Variants in DPP6 observed in about 807,000 individuals in gnomAD.
The protein encoded by DPP6 is dipeptidyl peptidase like 6, also known as A-type potassium channel modulatory protein DPP6.
DPP6 carries 69 observed loss-of-function variants against 122.6 expected under a neutral mutation model. The observed-to-expected ratio is 0.56, with a 90% CI of 0.46 to 0.69. The LOEUF (loss-of-function observed/expected upper bound fraction) is 0.69, where lower values mean the gene tolerates loss of function less well. Among genes scored for constraint, DPP6 ranks in the 30% least tolerant of loss-of-function variants. The probability of loss-of-function intolerance (pLI) is 0.00; values close to 1 mark genes in which losing one functional copy is unlikely to be tolerated. For missense variants in DPP6, 928 were observed against 1,116.9 expected (o/e 0.83, Z 2.41); for synonymous variants, 418 against 433.1 (o/e 0.97, Z 0.43).
At chr7:154,788,165 C>T (rs1003680533) in intron 10 of DPP6, among the ~76,000 whole-genome samples, 4 of 151,978 alleles carry the variant, frequency 2.6e-5, no homozygotes, top group Non-Finnish European at 4.4e-5. Context: ...AAGATAAGGC[C>T]GGGCACAGTG....
intron 1 of DPP6, among the ~76,000 whole-genome samples, chr7:154,016,300 T>A (rs1024479961): frequency 6.6e-6 from 1 of 152,278 alleles, no homozygotes; most frequent in Non-Finnish European, 1.5e-5. Flanking sequence ...AGAAGGACAT[T>A]GTCTATTGTT....
intron 5 of DPP6, among the ~76,000 whole-genome samples, chr7:154,610,591 T>G (rs1833846570): frequency 6.6e-6 from 1 of 152,194 alleles, no homozygotes; most frequent in Admixed American, 6.5e-5. Flanking sequence ...ACGGCCAACA[T>G]TCTGTCTTTG....
intron 1 of DPP6, among the ~76,000 whole-genome samples, chr7:154,286,577 G>C (rs556367895): frequency 6.6e-6 from 1 of 152,162 alleles, no homozygotes; most frequent in Admixed American, 6.5e-5. Flanking sequence ...TTAATGCAAA[G>C]CTTTCCAAAT....
intron 1 of DPP6, among the ~76,000 whole-genome samples, chr7:154,247,920 G>T (rs776500098): frequency 6.6e-6 from 1 of 152,128 alleles, no homozygotes; most frequent in Admixed American, 6.5e-5. Flanking sequence ...GTGTTAGTCG[G>T]TTTGGGCTGC....
intron 1 of DPP6, among the ~76,000 whole-genome samples, chr7:154,442,710 A>G (rs908928044): frequency 1.3e-5 from 2 of 152,144 alleles, no homozygotes; most frequent in Non-Finnish European, 2.9e-5. Context: ...AGAGGGCTTT[A>G]CATGCAAAAG....
intron 2 of DPP6, among the ~76,000 whole-genome samples, chr7:154,450,065 A>T (rs1035859640): frequency 6.6e-6 from 1 of 151,856 alleles, no homozygotes; most frequent in African/African-American, 2.4e-5. Context: ...AATGTGATGT[A>T]ACCATACAAT....
At chr7:154,081,900 G>C (rs370733592) in intron 1 of DPP6, among the ~76,000 whole-genome samples, 90 of 152,270 alleles carry the variant, frequency 5.9e-4, no homozygotes, top group African/African-American at 1.9e-3. Context: ...GAAAATGGAT[G>C]TTTACTTTAA....
the DPP6 span, among the ~76,000 whole-genome samples, chr7:153,769,274 G>A: frequency 6.6e-6 from 1 of 152,006 alleles, no homozygotes; most frequent in African/African-American, 2.4e-5. Context: ...TTTATATTGT[G>A]TATATTTAAG....
chr7:153,886,488 T>A (rs1401978155), upstream of DPP6, among the ~76,000 whole-genome samples: 1 of 151,960 alleles, frequency 6.6e-6, no homozygotes, highest in Non-Finnish European at 1.5e-5. Context: ...CGGGGTCAGA[T>A]CCCGCAGGCA....
chr7:154,656,867 T>G (rs140441044), intron 6 of DPP6, among the ~76,000 whole-genome samples: 7 of 26,864 alleles, frequency 2.6e-4, no homozygotes, highest in African/African-American at 3.0e-4. Context: ...AGGTGCCCAG[T>G]GATGGGTGGA....
chr7:154,164,331 A>G (rs1166870926), intron 1 of DPP6, among the ~76,000 whole-genome samples: 1 of 149,564 alleles, frequency 6.7e-6, no homozygotes, highest in Non-Finnish European at 1.5e-5. Context: ...CATTTCCATG[A>G]TTTTTCAAAC....
Position 154,599,559 on chromosome 7 carries a change from G to A in DPP6, c.627+32643G>A, listed in dbSNP as rs555648321. On this transcript the variant is annotated intron_variant, in intron 5 of 25. Coordinates refer to ENST00000377770, the MANE Select transcript of DPP6 (RefSeq NM_130797.4). ...AAGTTCTAGGGTACATGTGCACAAC[G>A]TGCAGGTTTGTTACATATGTATACA... Among the ~76,000 whole-genome samples the A allele has an allele frequency of 7.9e-5, 12 of 151,126 alleles. No homozygotes were observed. The South Asian group carries it at 1.9e-3, about 24-fold the overall frequency.
At chr7:154,285,970 G>T (rs1804820755) in intron 1 of DPP6, among the ~76,000 whole-genome samples, 1 of 152,162 alleles carries the variant, frequency 6.6e-6, no homozygotes. Context: ...ACACTCTCAA[G>T]AACCATTTGT....
intron 1 of DPP6, among the ~76,000 whole-genome samples, chr7:153,955,699 A>G (rs1195325973): frequency 1.3e-5 from 2 of 152,116 alleles, no homozygotes; most frequent in African/African-American, 4.8e-5. Context: ...TCGGCCTCCA[A>G]AAGTGCTGGG....
At chr7:154,074,632 AAAAG>A (rs1357887255) in intron 1 of DPP6, among the ~76,000 whole-genome samples, 1 of 152,222 alleles carries the variant, frequency 6.6e-6, no homozygotes, top group African/African-American at 2.4e-5. Context: ...AGAAAATAGA[AAAAG>A]AAAGGTTAAA....
intron 1 of DPP6, chr7:154,058,385 A>AC (rs1473759909): frequency 7.2e-6 from 1 of 138,180 alleles, no homozygotes; most frequent in Non-Finnish European, 1.6e-5. Context: ...GGCTCTGAGG[A>AC]CCCCCATCGC....
chr7:154,078,404 G>T (rs1018891038), intron 1 of DPP6, among the ~76,000 whole-genome samples: 2 of 151,202 alleles, frequency 1.3e-5, no homozygotes, highest in Non-Finnish European at 2.9e-5. Flanking sequence ...TTAAGGCATT[G>T]CTAGACTCAC....
At chr7:154,088,846 TA>T (rs1804613722) in intron 1 of DPP6, among the ~76,000 whole-genome samples, 1 of 152,240 alleles carries the variant, frequency 6.6e-6, no homozygotes, top group Non-Finnish European at 1.5e-5. Context: ...TGTGGATATT[TA>T]AATTTTATGT....
rs1243109150 is a variant in DPP6, at chr7:154,481,043, C to T, written c.457+6006C>T. Among the ~76,000 whole-genome samples the T allele has an allele frequency of 2.0e-5, 3 of 151,972 alleles. No individual in the cohort carries two copies. Among genetic ancestry groups the T allele is most frequent in the Non-Finnish European group, 2.9e-5 (2 of 68,018 alleles). ...ATGGCAGACTTGGCATCAGTCCACT[C>T]GGAGGGTTGGAGGGCTGGACTCAAG... is the stretch of plus-strand genomic sequence containing the variant. On this transcript the variant is annotated intron_variant, in intron 3 of 25. Transcript: ENST00000377770. This position sits in a 1 kb window ranked among gnomAD's most constrained non-coding sequence, Gnocchi z 4.2.
Sources: allele counts gnomAD v4.1 joint callset (sites outside exome capture counted in the v4.1 genomes callset), GRCh38; gene constraint gnomAD v4.1.1; non-coding constraint Gnocchi (gnomAD v3.1); transcripts MANE v1.5; gene names NCBI Gene and HGNC (gene_info 2026-07-23, HGNC 2026-07-21).